IQSEC1: variants seen among roughly 807,000 people sequenced by gnomAD.
IQSEC1 encodes the protein IQ motif and SEC7 domain-containing protein 1.
Under a neutral mutation model 91.0 loss-of-function variants are expected in IQSEC1, and 31 were observed. The observed-to-expected ratio is 0.34, with a 90% CI of 0.26 to 0.46. The LOEUF (loss-of-function observed/expected upper bound fraction) is 0.46. Ranked by LOEUF, IQSEC1 falls within the 20% of genes least tolerant of loss-of-function variation. The probability of loss-of-function intolerance (pLI) is 1.00; values close to 1 mark genes in which losing one functional copy is unlikely to be tolerated. For missense variants in IQSEC1, 1,388 were observed against 1,575.6 expected (o/e 0.88, Z 2.02); for synonymous variants, 699 against 662.6 (o/e 1.05, Z -0.84).
At chr3:13,244,802 A>G (rs1695080963) in intron 1 of IQSEC1, among the ~76,000 whole-genome samples, 2 of 151,976 alleles carry the variant, frequency 1.3e-5, no homozygotes, top group South Asian at 4.2e-4. Flanking sequence ...CACGAAGCAC[A>G]CACCAAAAAA....
chr3:13,279,192 C>A (rs1314532902), intron 1 of IQSEC1, among the ~76,000 whole-genome samples: 2 of 152,188 alleles, frequency 1.3e-5, no homozygotes, highest in African/African-American at 4.8e-5. Flanking sequence ...CTGAATCAAT[C>A]CCTCTGGCTT....
chr3:12,897,305 A>C lies in IQSEC1; in HGVS notation c.*3678T>G, dbSNP rs1455763808. ...AGAGTCTGTTGCCACTGACAAACAG[A>C]ATGCAGATGAAAACAAACGCACTCC... On this transcript the variant is annotated 3_prime_UTR_variant, in exon 14 of 14. Transcript: ENST00000613206. 6.6e-6 allele frequency: 1 copy of C among 152,236 alleles called. No individual in the cohort carries two copies. Among genetic ancestry groups the C allele is most frequent in the Non-Finnish European group, 1.5e-5 (1 of 68,034 alleles). 9.4% of individuals were successfully genotyped at this position (152,236 alleles called of 1,614,324 possible).
At chr3:13,274,238 G>A (rs974159501) in intron 1 of IQSEC1, among the ~76,000 whole-genome samples, 1 of 152,160 alleles carries the variant, frequency 6.6e-6, no homozygotes, top group Non-Finnish European at 1.5e-5. Context: ...AACACCACCA[G>A]ACACGTGCTA....
At chr3:13,180,407 G>A (rs1430847500) in intron 1 of IQSEC1, among the ~76,000 whole-genome samples, 1 of 152,072 alleles carries the variant, frequency 6.6e-6, no homozygotes, top group Non-Finnish European at 1.5e-5. Flanking sequence ...GTGGGGACGT[G>A]GAGAACCTTT....
intron 1 of IQSEC1, among the ~76,000 whole-genome samples, chr3:13,254,984 G>A (rs1341948041): frequency 6.6e-6 from 1 of 152,160 alleles, no homozygotes; most frequent in South Asian, 2.1e-4. Context: ...CATCCACACA[G>A]CCCTCCCCCA....
At chr3:12,914,598 A>G (rs1695890434) in intron 8 of IQSEC1, among the ~76,000 whole-genome samples, 1 of 152,152 alleles carries the variant, frequency 6.6e-6, no homozygotes, top group Non-Finnish European at 1.5e-5. Context: ...GAGGGCAGGC[A>G]GAGCGGCTTT....
At chr3:13,269,262 G>A (rs887011926) in intron 1 of IQSEC1, among the ~76,000 whole-genome samples, 2 of 152,218 alleles carry the variant, frequency 1.3e-5, no homozygotes, top group African/African-American at 4.8e-5. Context: ...CTGCTTGGGT[G>A]TCCTTAGTGC....
At chr3:13,019,224 G>A (rs768379213) in intron 1 of IQSEC1, among the ~76,000 whole-genome samples, 8 of 152,202 alleles carry the variant, frequency 5.3e-5, no homozygotes, top group Non-Finnish European at 8.8e-5. Flanking sequence ...AGCCAGGATC[G>A]TCCCTCTCAG....
chr3:13,160,956 A>G (rs1707162036), intron 2 of IQSEC1, among the ~76,000 whole-genome samples: 1 of 152,232 alleles, frequency 6.6e-6, no homozygotes, highest in Non-Finnish European at 1.5e-5. Flanking sequence ...TCAAAAGTGA[A>G]GCATAAAAGG....
intron 1 of IQSEC1, among the ~76,000 whole-genome samples, chr3:13,062,703 T>C (rs935385932): frequency 6.6e-6 from 1 of 152,034 alleles, no homozygotes; most frequent in African/African-American, 2.4e-5. Flanking sequence ...TTTTATCTGA[T>C]GGTGGAGAGC....
intron 2 of IQSEC1, among the ~76,000 whole-genome samples, chr3:13,145,361 T>C (rs935619410): frequency 1.4e-4 from 22 of 152,332 alleles, no homozygotes; most frequent in Non-Finnish European, 1.9e-4. Flanking sequence ...AGAATGTTGA[T>C]GTCACTCCCT....
chr3:13,271,054 T>A (rs533872374), intron 1 of IQSEC1, among the ~76,000 whole-genome samples: 7 of 152,320 alleles, frequency 4.6e-5, no homozygotes, highest in African/African-American at 1.7e-4. Flanking sequence ...GGACATTTCA[T>A]AATGATAAAA....
At chr3:13,248,624 T>C (rs1695144696) in intron 1 of IQSEC1, among the ~76,000 whole-genome samples, 3 of 152,210 alleles carry the variant, frequency 2.0e-5, no homozygotes, top group Non-Finnish European at 4.4e-5. Context: ...TTTGTGACTC[T>C]CAGAATAAAA....
intron 2 of IQSEC1, among the ~76,000 whole-genome samples, chr3:13,109,844 G>A (rs1270939685): frequency 1.3e-5 from 2 of 149,988 alleles, no homozygotes; most frequent in Non-Finnish European, 3.0e-5. Context: ...TTATAGCGGT[G>A]CAAGAATGGC....
intron 2 of IQSEC1, among the ~76,000 whole-genome samples, chr3:13,134,375 G>A (rs12054087): frequency 1.3e-5 from 2 of 152,360 alleles, no homozygotes; most frequent in East Asian, 3.9e-4. Context: ...ACTGTGAAAG[G>A]AGCATGGGGT....
In IQSEC1 at chr3:12,943,425, C is replaced by T. The variant is rs537816805; in HGVS notation, c.24-1560G>A. ...AGTGTAGGACGAGCAGGGAAGGGAGCGAGTTATGTCACAGTTTCCAACACA... is the reference window on the plus strand; with the variant it reads ...AGTGTAGGACGAGCAGGGAAGGGAGTGAGTTATGTCACAGTTTCCAACACA... On this transcript the variant is annotated intron_variant, in intron 1 of 13. Coordinates refer to ENST00000613206, the MANE Select transcript of IQSEC1 (RefSeq NM_001134382.3). 3.8e-4 allele frequency among the ~76,000 whole-genome samples: 58 copies of T among 152,284 alleles called. 1 individual carries two copies. In the South Asian group the frequency reaches 0.011, roughly 28 times the overall value.
Position 12,940,758 on chromosome 3 carries a change from A to G in IQSEC1, c.318+813T>C, listed in dbSNP as rs1186664929. Among the ~76,000 whole-genome samples, 1 of 152,038 alleles carries G rather than the reference A, an allele frequency of 6.6e-6. No individual in the cohort carries two copies. Among genetic ancestry groups the G allele is most frequent in the Non-Finnish European group, 1.5e-5 (1 of 67,974 alleles). On this transcript the variant is annotated intron_variant, in intron 2 of 13. Coordinates refer to ENST00000613206, the MANE Select transcript of IQSEC1 (RefSeq NM_001134382.3). This position sits in a 1 kb window ranked among gnomAD's most constrained non-coding sequence, Gnocchi z 4.4. ...CATGCACTGGCCCACTCACCCCCTC[A>G]CTCATCCATCTGTGCAGTCACTCAG...
chr3:13,264,878 C>G (rs1695459470), intron 1 of IQSEC1, among the ~76,000 whole-genome samples: 1 of 151,784 alleles, frequency 6.6e-6, no homozygotes, highest in South Asian at 2.1e-4. Context: ...CTGTCCCTCT[C>G]TCTGTCTCTC....
rs1211042950 is a variant in IQSEC1, at chr3:13,224,608, G to A, written c.272+58103C>T. Among the ~76,000 whole-genome samples the A allele has an allele frequency of 2.6e-5, 4 of 152,050 alleles. No homozygotes were observed. The East Asian group carries it at 7.7e-4, about 29-fold the overall frequency. ...CTCACCAGGGCATGTCTTGGGGTTC[G>A]ACTTGACGTTCAGTGCCACAGGCCT... On this transcript the variant is annotated intron_variant, in intron 1 of 15. Coordinates refer to the IQSEC1 transcript ENST00000648114.
Sources: allele counts gnomAD v4.1 joint callset (sites outside exome capture counted in the v4.1 genomes callset), GRCh38; gene constraint gnomAD v4.1.1; non-coding constraint Gnocchi (gnomAD v3.1); transcripts MANE v1.5; gene names NCBI Gene and HGNC (gene_info 2026-07-23, HGNC 2026-07-21).